The following MOCS1 variants were observed in gnomAD, a reference collection of about 807,000 sequenced individuals.
MOCS1 encodes the protein molybdenum cofactor synthesis 1.
In MOCS1, 39 loss-of-function variants were observed where a neutral mutation model predicts 57.6. The observed-to-expected ratio is 0.68, with a 90% CI of 0.52 to 0.88. The LOEUF is 0.88. MOCS1 is among the 40% of genes least tolerant of loss of function. The pLI is 0.00. For synonymous variants in MOCS1, 334 were observed against 335.7 expected, an observed-to-expected ratio of 1.00 and a Z score of 0.05; for missense variants, 795 against 831.1, an observed-to-expected ratio of 0.96 and a Z score of 0.53.
At chr6:39,913,632 G>C in intron 5 of MOCS1, 142 bp downstream of exon 5, 1 of 1,063,264 alleles carries the variant, frequency 9.4e-7, no homozygotes, top group Admixed American at 1.7e-5. Context: ...GGACCAGCAG[G>C]GAGAGAAGAG....
chr6:39,918,284 C>T (rs1767775189), intron 3 of MOCS1, among the ~76,000 whole-genome samples: 1 of 152,092 alleles, frequency 6.6e-6, no homozygotes, highest in South Asian at 2.1e-4. Context: ...AGAGAGGAAA[C>T]CAAGAGTAAA....
At chr6:39,923,734 T>C (rs1238529453) in intron 3 of MOCS1, among the ~76,000 whole-genome samples, 1 of 152,206 alleles carries the variant, frequency 6.6e-6, no homozygotes, top group Non-Finnish European at 1.5e-5. Context: ...AAGTGACCAG[T>C]AGGAGCTGAA....
chr6:39,930,989 TTTTTC>T (rs1299895542), intron 1 of MOCS1, among the ~76,000 whole-genome samples: 1 of 152,164 alleles, frequency 6.6e-6, no homozygotes, highest in African/African-American at 2.4e-5. Flanking sequence ...CTGTGATCAG[TTTTTC>T]TAGTTTGTCA....
rs778935827 is a variant in MOCS1 at position 39,913,853 on chromosome 6, G to A, written c.584-18C>T. 48 of 1,613,536 alleles carry A rather than the reference G, an allele frequency of 3.0e-5. No individual in the cohort carries two copies. The highest frequency in any genetic ancestry group is 4.1e-5 in the Non-Finnish European group (48 of 1,179,546). Reference sequence around the variant, plus strand: ...GTGGAAGCCTGGGAGGGAGAAACAAGGATCCAGGAACTTCTGTCCTCTCTC... The same window carrying A: ...GTGGAAGCCTGGGAGGGAGAAACAAAGATCCAGGAACTTCTGTCCTCTCTC... On this transcript the variant is annotated intron_variant, in intron 4 of 10. Coordinates refer to ENST00000340692, the MANE Select transcript of MOCS1 (RefSeq NM_001358530.2).
chr6:39,908,869 A>G (rs1767118589), intron 10 of MOCS1, among the ~76,000 whole-genome samples, 186 bp downstream of exon 10: 1 of 152,112 alleles, frequency 6.6e-6, no homozygotes, highest in Non-Finnish European at 1.5e-5. Context: ...AAGGGGGATC[A>G]TGAACAGTGG....
intron 3 of MOCS1, among the ~76,000 whole-genome samples, chr6:39,919,638 G>A (rs1767855344): frequency 1.3e-5 from 2 of 152,098 alleles, no homozygotes; most frequent in Admixed American, 6.6e-5. Context: ...GACTGATGAA[G>A]CTACAGTGAT....
chr6:39,927,224 A>G lies in MOCS1; in HGVS notation c.250+105T>C. 4 of 1,445,722 alleles carry G rather than the reference A, an allele frequency of 2.8e-6. No homozygotes were observed. The South Asian group carries it at 5.0e-5, about 18-fold the overall frequency. The allele number at this position is 1,445,722 out of a possible 1,614,324, so 89.6% of individuals were successfully genotyped here. A position where few individuals can be genotyped will look rare whatever the true frequency, so the allele number is the denominator to read the frequency against. ...AGGGGTAGCAGGTGAAGAAGTTAGA[A>G]AGCAGAACTGGAGGACACAGGAGGA... On this transcript the variant is annotated intron_variant, in intron 2 of 10. Coordinates refer to ENST00000340692, the MANE Select transcript of MOCS1 (RefSeq NM_001358530.2).
chr6:39,913,907 AC>A, intron 4 of MOCS1, 72 bp from the exon 5 acceptor site: 1 of 1,456,194 alleles, frequency 6.9e-7, no homozygotes, highest in Admixed American at 1.7e-5. Flanking sequence ...ACAGAAAAGC[AC>A]CAGAGCCCAT....
Position 39,904,872 on chromosome 6 carries a change from C to T in MOCS1, c.*1485G>A, listed in dbSNP as rs1412510128. 3 of 454,144 alleles carry T rather than the reference C, an allele frequency of 6.6e-6. No homozygotes were observed. In the Admixed American group the frequency reaches 7.0e-5, roughly 11 times the overall value. The allele number at this position is 454,144 out of a possible 1,614,324, so 28.1% of individuals were successfully genotyped here. On this transcript the variant is annotated 3_prime_UTR_variant, in exon 11 of 11. Transcript: ENST00000340692. ...TAAATTCATACCATCCCTACCCAGT[C>T]TGCCTTTAAACTTGTGCCTTCTTCC...
intron 1 of MOCS1, among the ~76,000 whole-genome samples, chr6:39,928,759 G>A (rs1234206213): frequency 1.3e-5 from 2 of 152,196 alleles, no homozygotes; most frequent in Admixed American, 6.5e-5. Context: ...CTTGCTAGGA[G>A]TAAAGACAGG....
intron 3 of MOCS1, among the ~76,000 whole-genome samples, chr6:39,917,260 T>C (rs994741592): frequency 6.6e-6 from 1 of 152,142 alleles, no homozygotes; most frequent in African/African-American, 2.4e-5. Flanking sequence ...CTTCTTCACA[T>C]GGCAGCAGCA....
At chr6:39,917,430 C>A (rs1340529156) in intron 3 of MOCS1, among the ~76,000 whole-genome samples, 1 of 152,070 alleles carries the variant, frequency 6.6e-6, no homozygotes, top group African/African-American at 2.4e-5. Context: ...AACTACAATT[C>A]AAGAAGAGAT....
chr6:39,931,890 C>G (rs1195627432), intron 1 of MOCS1, among the ~76,000 whole-genome samples: 1 of 152,180 alleles, frequency 6.6e-6, no homozygotes, highest in Non-Finnish European at 1.5e-5. Context: ...GGATACAGCA[C>G]TCCCAGGCTA....
chr6:39,915,389 C>T (rs934454069), intron 4 of MOCS1, among the ~76,000 whole-genome samples: 1 of 152,152 alleles, frequency 6.6e-6, no homozygotes, highest in Admixed American at 6.5e-5. Context: ...CCCCTCTGAT[C>T]CTCCAGAGTC....
At chr6:39,912,222 A>G (rs1383773265) in intron 8 of MOCS1, 42 bp downstream of exon 8, 2 of 1,436,604 alleles carry the variant, frequency 1.4e-6, no homozygotes, top group Admixed American at 1.7e-5. Context: ...ACATGAGAAC[A>G]CAGAGGTGGC....
At chr6:39,922,498 C>T (rs1768026975) in intron 3 of MOCS1, among the ~76,000 whole-genome samples, 1 of 152,118 alleles carries the variant, frequency 6.6e-6, no homozygotes, top group African/African-American at 2.4e-5. Context: ...CCCAGGGAAG[C>T]CAAAAGATAG....
At chr6:39,913,887 C>A in intron 4 of MOCS1, 52 bp from the exon 5 acceptor site, 1 of 1,554,452 alleles carries the variant, frequency 6.4e-7, no homozygotes, top group Non-Finnish European at 8.9e-7. Context: ...TCCTCTTCCC[C>A]CACACCCCCA....
intron 1 of MOCS1, among the ~76,000 whole-genome samples, chr6:39,933,009 G>C (rs2149427844): frequency 6.6e-6 from 1 of 152,262 alleles, no homozygotes; most frequent in South Asian, 2.1e-4. Context: ...GGGATGGATA[G>C]GAGCAGGCTC....
rs1156372634 is a variant in MOCS1, at chr6:39,912,251, AGGG to A, written c.981+10_981+12del. On this transcript the variant is annotated intron_variant, in intron 8 of 10. Coordinates refer to ENST00000340692, the MANE Select transcript of MOCS1 (RefSeq NM_001358530.2). ...AGGTGGCAAGGGGTCCCTGTGGAGG[AGGG>A]GATGCTCACCTTGAGGTTCCCATCA... 1 of 1,590,404 alleles carries A rather than the reference AGGG, an allele frequency of 6.3e-7. No individual in the cohort carries two copies. The highest frequency in any genetic ancestry group is 8.6e-7 in the Non-Finnish European group (1 of 1,160,164).
Sources: allele counts gnomAD v4.1 joint callset (sites outside exome capture counted in the v4.1 genomes callset), GRCh38; gene constraint gnomAD v4.1.1; transcripts MANE v1.5; gene names NCBI Gene and HGNC (gene_info 2026-07-23, HGNC 2026-07-21).